ANKS1A: variants seen among roughly 807,000 people sequenced by gnomAD.
The protein encoded by ANKS1A is ankyrin repeat and SAM domain-containing protein 1A.
ANKS1A carries 55 observed loss-of-function variants against 120.3 expected under a neutral mutation model. The ratio of observed to expected loss-of-function variants is 0.46; its 90% confidence interval spans 0.37 to 0.57. The LOEUF is 0.57. ANKS1A is among the 20% of genes least tolerant of loss of function. The pLI is 0.00. For synonymous variants in ANKS1A, 590 were observed against 604.7 expected (o/e 0.98, Z 0.36); for missense variants, 1,123 against 1,480.3 (o/e 0.76, Z 3.96).
rs940792429 is a variant in ANKS1A, at chr6:35,086,825, C to T, written c.3304-127C>T. On this transcript the variant is annotated intron_variant, in intron 22 of 23. Transcript: ENST00000360359. This position sits in a 1 kb window ranked among gnomAD's most constrained non-coding sequence, Gnocchi z 5.1. ...TGCCCCCAGGGGCCTGCTCTTTGGC[C>T]GAGGAGAATAAGGGCTGCCCCTCCC... 29 of 962,090 alleles carry T rather than the reference C, an allele frequency of 3.0e-5. No homozygotes were observed. The highest frequency in any genetic ancestry group is 4.8e-5 in the African/African-American group (3 of 62,004). The allele number at this position is 962,090 out of a possible 1,614,324, so 59.6% of individuals were successfully genotyped here.
intron 3 of ANKS1A, among the ~76,000 whole-genome samples, chr6:34,973,946 TTCCCTTCCCCTTCCCC>T (rs1771340488): frequency 1.2e-5 from 1 of 84,426 alleles, no homozygotes; most frequent in Non-Finnish European, 2.3e-5. Flanking sequence ...CCCCTTCCCC[TTCCCTTCCCCTTCCCC>T]TTGCCTTCCC....
Position 35,058,388 on chromosome 6 carries a change from A to T in ANKS1A, c.2078-1759A>T, listed in dbSNP as rs1382161088. 2 of 152,224 alleles carry T rather than the reference A, an allele frequency of 1.3e-5. No individual in the cohort carries two copies. The highest frequency in any genetic ancestry group is 3.8e-4 in the East Asian group (2 of 5,198). 9.4% of individuals were successfully genotyped at this position (152,224 alleles called of 1,614,324 possible). On this transcript the variant is annotated intron_variant, in intron 12 of 23. Transcript: ENST00000360359. The surrounding 1 kb of genome is among the most constrained non-coding windows in gnomAD (Gnocchi z 5.1). Reference sequence around the variant, plus strand: ...ACACTTGACTTCATGGGCATAGAAGAACCTGCCACGTAGGCTCCTGGAGCA... The same window carrying T: ...ACACTTGACTTCATGGGCATAGAAGTACCTGCCACGTAGGCTCCTGGAGCA...
chr6:35,027,967 A>T (rs1774713769), intron 11 of ANKS1A, among the ~76,000 whole-genome samples: 1 of 71,832 alleles, frequency 1.4e-5, no homozygotes, highest in African/African-American at 3.8e-5. Context: ...ACCTGTCCAT[A>T]ACTCAAGGCA....
At chr6:34,940,298 C>G (rs1374345184) in intron 1 of ANKS1A, among the ~76,000 whole-genome samples, 1 of 152,138 alleles carries the variant, frequency 6.6e-6, no homozygotes, top group Non-Finnish European at 1.5e-5. Context: ...GAAGATGGAA[C>G]CAGGAAACCT....
chr6:34,960,645 A>C (rs1368713115), intron 1 of ANKS1A, among the ~76,000 whole-genome samples: 1 of 152,190 alleles, frequency 6.6e-6, no homozygotes, highest in African/African-American at 2.4e-5. Flanking sequence ...GGGCCTCACC[A>C]GTCATATTCT....
chr6:34,893,493 A>G (rs902087988), intron 1 of ANKS1A, among the ~76,000 whole-genome samples: 2 of 152,156 alleles, frequency 1.3e-5, no homozygotes, highest in African/African-American at 4.8e-5. Context: ...CAAGCATGGC[A>G]GACTAGAAAG....
At position 35,086,202 on chromosome 6, in the gene ANKS1A, C is replaced by T. The variant is rs1456133883; in HGVS notation, c.3303+266C>T. 37 of 1,299,012 alleles carry T rather than the reference C, an allele frequency of 2.8e-5. No homozygotes were observed. The Admixed American group carries it at 3.4e-4, about 12-fold the overall frequency. 80.5% of individuals were successfully genotyped at this position (1,299,012 alleles called of 1,614,324 possible). A position where few individuals can be genotyped will look rare whatever the true frequency, so the allele number is the denominator to read the frequency against. On this transcript the variant is annotated intron_variant, in intron 22 of 23. Coordinates refer to ENST00000360359, the MANE Select transcript of ANKS1A (RefSeq NM_015245.3). This position sits in a 1 kb window ranked among gnomAD's most constrained non-coding sequence, Gnocchi z 5.1. ...AAGGCCGTCAAGGGGCTGCAGAGAG[C>T]GGCCTGCAGGCAGCCCCCAGTAACT...
chr6:34,970,020 G>A lies in ANKS1A; in HGVS notation c.289G>A (p.Glu97Lys), dbSNP rs760260660. 15 of 1,613,476 alleles carry A rather than the reference G, an allele frequency of 9.3e-6. No homozygotes were observed. Among genetic ancestry groups the A allele is most frequent in the Non-Finnish European group, 1.2e-5 (14 of 1,179,816 alleles). ...AALNGHKDVVEVLLRNDALTN... is the reference protein window; with the variant it reads ...AALNGHKDVVKVLLRNDALTN... ...ATTTTTGCCTTCTAGGGATGTGGTC[G>A]AGGTTCTTCTGAGGAACGATGCGCT... The change falls in exon 3 of 24, where the codon GAG becomes AAG. Residue 97 changes from glutamate (E) to lysine (K), a missense_variant. Coordinates refer to ENST00000360359, the MANE Select transcript of ANKS1A (RefSeq NM_015245.3).
chr6:34,968,098 A>C (rs1299949941), intron 2 of ANKS1A, among the ~76,000 whole-genome samples: 22 of 152,170 alleles, frequency 1.4e-4, no homozygotes, highest in Non-Finnish European at 3.2e-4. Context: ...TCATAAAATT[A>C]GCCCTGTACA....
chr6:34,997,154 G>T (rs185139408), intron 10 of ANKS1A, among the ~76,000 whole-genome samples: 63 of 150,946 alleles, frequency 4.2e-4, no homozygotes, highest in East Asian at 2.9e-3. Flanking sequence ...TGATTGTGAA[G>T]AATTGATAAC....
In ANKS1A at chr6:35,067,318, C is replaced by A. The variant is rs558870308; in HGVS notation, c.2184+7065C>A. Reference sequence around the variant, plus strand: ...ACATGTGCTCCCCCTCCTCTCTGGGCCCATGCACCATGGCCATTATAGCCC... The same window carrying A: ...ACATGTGCTCCCCCTCCTCTCTGGGACCATGCACCATGGCCATTATAGCCC... On this transcript the variant is annotated intron_variant, in intron 13 of 23. Transcript: ENST00000360359. Among the ~76,000 whole-genome samples the A allele has an allele frequency of 4.6e-5, 7 of 152,320 alleles. No individual in the cohort carries two copies. In the South Asian group the frequency reaches 1.4e-3, roughly 32 times the overall value.
intron 1 of ANKS1A, among the ~76,000 whole-genome samples, chr6:34,954,184 T>C (rs1353784069): frequency 3.3e-5 from 5 of 152,220 alleles, no homozygotes; most frequent in African/African-American, 1.2e-4. Context: ...TTTCACACTG[T>C]ACTCATTCAT....
chr6:34,945,973 ATT>A (rs1044532562), intron 1 of ANKS1A, among the ~76,000 whole-genome samples: 2 of 142,330 alleles, frequency 1.4e-5, no homozygotes. Context: ...CTTTATTTTT[ATT>A]TTTATTTATT....
intron 20 of ANKS1A, among the ~76,000 whole-genome samples, 196 bp downstream of exon 20, chr6:35,083,699 G>A (rs1777809401): frequency 6.6e-6 from 1 of 152,122 alleles, no homozygotes; most frequent in African/African-American, 2.4e-5. Context: ...TGTCAGCCCC[G>A]TCCCCGCCCT....
At chr6:35,039,347 G>A (rs1323011600) in intron 11 of ANKS1A, among the ~76,000 whole-genome samples, 1 of 151,496 alleles carries the variant, frequency 6.6e-6, no homozygotes, top group South Asian at 2.1e-4. Context: ...ACATGCATGC[G>A]CCACCACACC....
intron 3 of ANKS1A, among the ~76,000 whole-genome samples, chr6:34,974,360 CCATTTCCCTTCCCCT>C: frequency 5.7e-4 from 2 of 3,486 alleles, no homozygotes; most frequent in Admixed American, 7.1e-3. Context: ...CCTTCCCCTT[CCATTTCCCTTCCCCT>C]TCCATTTCCC....
Position 35,076,101 on chromosome 6 carries a change from C to T in ANKS1A, c.2185-2457C>T, listed in dbSNP as rs139321902. Among the ~76,000 whole-genome samples, 226 of 152,266 alleles carry T rather than the reference C, an allele frequency of 1.5e-3. 1 individual carries two copies. The Middle Eastern group carries it at 0.02, about 14-fold the overall frequency. Reference sequence around the variant, plus strand: ...TATGTAAAGAACTCCTACATAGCTACGCAGAAAAGACCGACAACTTCATAG... The same window carrying T: ...TATGTAAAGAACTCCTACATAGCTATGCAGAAAAGACCGACAACTTCATAG... On this transcript the variant is annotated intron_variant, in intron 13 of 23. Coordinates refer to ENST00000360359, the MANE Select transcript of ANKS1A (RefSeq NM_015245.3).
Position 34,982,966 on chromosome 6 carries a change from A to G in ANKS1A, c.808+139A>G. ...TCCACTGGTTGATTACAAGTGTGTA[A>G]ACTGTTCTTGAATAGCTGGATTAAA... On this transcript the variant is annotated intron_variant, in intron 5 of 23. Coordinates refer to ENST00000360359, the MANE Select transcript of ANKS1A (RefSeq NM_015245.3). This position sits in a 1 kb window ranked among gnomAD's most constrained non-coding sequence, Gnocchi z 4.9. The G allele has an allele frequency of 7.8e-7, 1 of 1,277,110 alleles. No individual in the cohort carries two copies. Among genetic ancestry groups the G allele is most frequent in the Non-Finnish European group, 1.1e-6 (1 of 883,206 alleles). The allele number at this position is 1,277,110 out of a possible 1,614,324, so 79.1% of individuals were successfully genotyped here.
chr6:35,069,005 T>G (rs1435589582), intron 13 of ANKS1A, among the ~76,000 whole-genome samples: 1 of 152,094 alleles, frequency 6.6e-6, no homozygotes, highest in Non-Finnish European at 1.5e-5. Flanking sequence ...TGGCCATTGG[T>G]GGGCCCAGGA....
Sources: allele counts gnomAD v4.1 joint callset (sites outside exome capture counted in the v4.1 genomes callset), GRCh38; gene constraint gnomAD v4.1.1; non-coding constraint Gnocchi (gnomAD v3.1); transcripts MANE v1.5; gene names NCBI Gene and HGNC (gene_info 2026-07-23, HGNC 2026-07-21).